Variants in SMAD6 observed in about 807,000 individuals in gnomAD.
SMAD6 encodes SMAD family member 6.
SMAD6 carries 103 observed loss-of-function variants against 39.4 expected under a neutral mutation model. The observed-to-expected ratio is 2.62, with a 90% CI of 2.23 to 3.08. The LOEUF is 3.08. Ranked by LOEUF, SMAD6 falls within the 30% of genes most tolerant of loss-of-function variation. The probability of loss-of-function intolerance (pLI) is 0.00; values close to 1 mark genes in which losing one functional copy is unlikely to be tolerated. For missense variants in SMAD6, 1,104 were observed against 742.9 expected (o/e 1.49, Z -5.65); for synonymous variants, 445 against 353.3 (o/e 1.26, Z -2.91).
chr15:66,767,840 G>A (rs1894313984), intron 3 of SMAD6, among the ~76,000 whole-genome samples: 1 of 151,800 alleles, frequency 6.6e-6, no homozygotes, highest in South Asian at 2.1e-4. Context: ...AGAGAGGTGT[G>A]GATCATGTAT....
chr15:66,719,415 A>G (rs900046183), intron 3 of SMAD6, among the ~76,000 whole-genome samples: 2 of 151,726 alleles, frequency 1.3e-5, no homozygotes, highest in African/African-American at 4.8e-5. Context: ...TACTGGACAA[A>G]CCTTGGGGAC....
At chr15:66,714,638 C>T (rs973741040) in intron 2 of SMAD6, among the ~76,000 whole-genome samples, 8 of 152,148 alleles carry the variant, frequency 5.3e-5, no homozygotes, top group South Asian at 2.1e-4. Flanking sequence ...ATAGTGGAGG[C>T]GGGACCTGAA....
rs1894552964 is a variant in SMAD6, at chr15:66,781,052, C to G, written c.1008C>G (p.Tyr336Ter). 6.2e-7 allele frequency: 1 copy of G among 1,602,602 alleles called. No individual in the cohort carries two copies. Among genetic ancestry groups the G allele is most frequent in the Non-Finnish European group, 8.5e-7 (1 of 1,178,374 alleles). The change falls in exon 4 of 4, where the codon TAC becomes TAG. Residue 336 changes from tyrosine (Y) to a stop codon, truncating the protein, a stop_gained. Transcript: ENST00000288840. LOFTEE classifies it high-confidence loss of function. ...CGAGCCACTGGTGCAGCGTGGCGTACTGGGAGCACCGGACGCGCGTGGGCC... is the reference window on the plus strand; with the variant it reads ...CGAGCCACTGGTGCAGCGTGGCGTAGTGGGAGCACCGGACGCGCGTGGGCC... ...TKPSHWCSVAYWEHRTRVGRL... is the reference protein window; with the variant it reads ...TKPSHWCSVA
chr15:66,763,158 T>TG (rs1356999831), intron 3 of SMAD6, among the ~76,000 whole-genome samples: 2 of 152,148 alleles, frequency 1.3e-5, no homozygotes, highest in East Asian at 3.9e-4. Flanking sequence ...AACTAGGAGA[T>TG]GGAAGGTGGA....
intron 3 of SMAD6, among the ~76,000 whole-genome samples, chr15:66,751,526 T>C (rs369572799): frequency 3.9e-5 from 6 of 152,208 alleles, no homozygotes; most frequent in East Asian, 1.9e-4. Context: ...AATGGGAAAC[T>C]GAGGCCCACA....
intron 1 of SMAD6, chr15:66,704,335 A>T (rs924236047): frequency 4.6e-5 from 16 of 344,170 alleles, no homozygotes; most frequent in Non-Finnish European, 8.4e-5. Flanking sequence ...GTGCAGTTTC[A>T]GGGACATGAT....
chr15:66,760,095 C>A (rs1434550232), intron 3 of SMAD6, among the ~76,000 whole-genome samples: 1 of 141,914 alleles, frequency 7.0e-6, no homozygotes, highest in Admixed American at 6.9e-5. Flanking sequence ...CCTCCCCATC[C>A]CTCCCACCCT....
chr15:66,762,843 TG>T (rs1223154880), intron 3 of SMAD6, among the ~76,000 whole-genome samples: 3 of 152,036 alleles, frequency 2.0e-5, no homozygotes, highest in African/African-American at 7.2e-5. Context: ...GTGGTGTTTT[TG>T]TTGGTCTTAC....
chr15:66,756,805 G>A (rs886783269), intron 3 of SMAD6, among the ~76,000 whole-genome samples: 8 of 152,262 alleles, frequency 5.3e-5, no homozygotes, highest in South Asian at 2.1e-4. Flanking sequence ...AGCATGAGCT[G>A]TGTCCTCTGG....
At chr15:66,730,124 G>T (rs1440343384) in intron 3 of SMAD6, among the ~76,000 whole-genome samples, 3 of 152,186 alleles carry the variant, frequency 2.0e-5, no homozygotes, top group Non-Finnish European at 2.9e-5. Context: ...CGGATTCTCT[G>T]TTTTCACTCC....
Position 66,781,555 on chromosome 15 carries a change from G to T in SMAD6, c.*20G>T. On this transcript the variant is annotated 3_prime_UTR_variant, in exon 4 of 4. Transcript: ENST00000288840. ...AGATAGTGGCGGCCCCGGCGGGAGG[G>T]GCGGGTGGGAGGCCGCGGCCACCGC... 1 of 1,482,320 alleles carries T rather than the reference G, an allele frequency of 6.7e-7. No individual in the cohort carries two copies. Among genetic ancestry groups the T allele is most frequent in the Non-Finnish European group, 8.9e-7 (1 of 1,123,262 alleles). The allele number at this position is 1,482,320 out of a possible 1,614,324, so 91.8% of individuals were successfully genotyped here. A position where few individuals can be genotyped will look rare whatever the true frequency, so the allele number is the denominator to read the frequency against.
intron 3 of SMAD6, chr15:66,741,066 C>G (rs1050048724): frequency 6.6e-6 from 1 of 152,242 alleles, no homozygotes; most frequent in Non-Finnish European, 1.5e-5. Context: ...GGCCGGAGGC[C>G]TCCAATGGCC....
rs760771857 is a variant in SMAD6 at position 66,781,389 on chromosome 15, G to T, written c.1345G>T (p.Ala449Ser). 6.2e-7 allele frequency: 1 copy of T among 1,601,902 alleles called. No homozygotes were observed. The highest frequency in any genetic ancestry group is 1.1e-5 in the South Asian group (1 of 90,918). The change falls in exon 4 of 4, where the codon GCG (alanine) becomes TCG (serine). Residue 449 changes from alanine (A) to serine (S), a missense_variant. Ala to Ser is a moderately conservative substitution (Grantham distance 99). Coordinates refer to ENST00000288840, the MANE Select transcript of SMAD6 (RefSeq NM_005585.5). ...CTTCGAGCGCTCGGGCCTGCAGCAC[G>T]CGCCCGAGCCCGACGCCGCCGACGG... ...FDFERSGLQH[A>S]PEPDAADGPY...
At position 66,747,455 on chromosome 15, in the gene SMAD6, GC is replaced by G. The variant is rs1463613997; in HGVS notation, c.952+30962del. Among the ~76,000 whole-genome samples the G allele has an allele frequency of 6.6e-6, 1 of 152,220 alleles. No homozygotes were observed. The highest frequency in any genetic ancestry group is 1.5e-5 in the Non-Finnish European group (1 of 68,036). ...TCCCGGCTGGTCTTTGTGGGCCCTG[GC>G]CCCCTTCTCTTCTGGGTGTTCCCTC... On this transcript the variant is annotated intron_variant, in intron 3 of 3. Coordinates refer to ENST00000288840, the MANE Select transcript of SMAD6 (RefSeq NM_005585.5). This position sits in a 1 kb window ranked among gnomAD's most constrained non-coding sequence, Gnocchi z 4.5.
intron 3 of SMAD6, chr15:66,717,428 G>A (rs927202339): frequency 1.8e-5 from 8 of 455,960 alleles, no homozygotes; most frequent in Non-Finnish European, 3.1e-5. Flanking sequence ...GCATTCTCTT[G>A]GGACAGCCAT....
At position 66,782,159 on chromosome 15, in the gene SMAD6, C is replaced by T; in HGVS notation, c.*624C>T. 2.7e-6 allele frequency: 1 copy of T among 371,810 alleles called. No homozygotes were observed. Among genetic ancestry groups the T allele is most frequent in the Non-Finnish European group, 4.7e-6 (1 of 211,912 alleles). 23.0% of individuals were successfully genotyped at this position (371,810 alleles called of 1,614,324 possible). A position where few individuals can be genotyped will look rare whatever the true frequency, so the allele number is the denominator to read the frequency against. ...AAGTCACATTTACTCTTAAGTAAAC[C>T]AGAGAAAGTTCTGTTGTTCCTTCCT... On this transcript the variant is annotated 3_prime_UTR_variant, in exon 4 of 4. Transcript: ENST00000288840.
intron 3 of SMAD6, among the ~76,000 whole-genome samples, chr15:66,732,056 G>A (rs912755511): frequency 6.7e-6 from 1 of 150,070 alleles, no homozygotes; most frequent in Non-Finnish European, 1.5e-5. Context: ...TGATTCTTGT[G>A]TCTCAGCCTC....
At position 66,781,352 on chromosome 15, in the gene SMAD6, CA is replaced by C; in HGVS notation, c.1310del (p.Lys437ArgfsTer102). Reference sequence around the variant, plus strand: ...GCAAGGTGCCCCCCGGCTACTCCATCAAGGTGTTCGACTTCGAGCGCTCGGG... The same window carrying C: ...GCAAGGTGCCCCCCGGCTACTCCATCAGGTGTTCGACTTCGAGCGCTCGGG... The part of the protein sequence containing the change: ...VRKVPPGYSI[K>X]VFDFERSGLQ... On this transcript the variant is annotated frameshift_variant, in exon 4 of 4. Coordinates refer to ENST00000288840, the MANE Select transcript of SMAD6 (RefSeq NM_005585.5). LOFTEE classifies it high-confidence loss of function. The C allele has an allele frequency of 6.2e-7, 1 of 1,600,396 alleles. No individual in the cohort carries two copies. Among genetic ancestry groups the C allele is most frequent in the Non-Finnish European group, 8.5e-7 (1 of 1,175,770 alleles).
At chr15:66,759,107 G>A (rs935541651) in intron 3 of SMAD6, among the ~76,000 whole-genome samples, 2 of 152,094 alleles carry the variant, frequency 1.3e-5, no homozygotes, top group African/African-American at 4.8e-5. Flanking sequence ...AACAAAACTC[G>A]GTAAAAACAG....
Sources: allele counts gnomAD v4.1 joint callset (sites outside exome capture counted in the v4.1 genomes callset), GRCh38; gene constraint gnomAD v4.1.1; non-coding constraint Gnocchi (gnomAD v3.1); transcripts MANE v1.5; gene names NCBI Gene and HGNC (gene_info 2026-07-23, HGNC 2026-07-21).